ZNF81: variants seen among roughly 807,000 people sequenced by gnomAD.
ZNF81 encodes the protein zinc finger protein 81, also known as zinc finger protein 81 (HFZ20).
Under a neutral mutation model 32.3 loss-of-function variants are expected in ZNF81, and 5 were observed. The ratio of observed to expected loss-of-function variants is 0.15; its 90% CI spans 0.08 to 0.33. The LOEUF (loss-of-function observed/expected upper bound fraction) is 0.33. ZNF81 is among the 10% of genes least tolerant of loss of function. ZNF81 has a pLI of 1.00. For missense variants in ZNF81, 379 were observed against 479.8 expected (o/e 0.79, Z 1.96); for synonymous variants, 163 against 166.8 (o/e 0.98, Z 0.17).
Position 47,921,519 on chromosome X carries a change from G to A in ZNF81, c.*4887G>A, listed in dbSNP as rs782091360. The A allele has an allele frequency of 9.0e-6, 1 of 110,953 alleles. No individual in the cohort carries two copies. The highest frequency in any genetic ancestry group is 9.7e-5 in the Admixed American group (1 of 10,324). The allele number at this position is 110,953 out of a possible 1,213,427, so 9.1% of individuals were successfully genotyped here. A position where few individuals can be genotyped will look rare whatever the true frequency, so the allele number is the denominator to read the frequency against. The stretch of plus-strand genomic sequence containing the variant: ...AACTTTGGCTGGCAGTCTCTGAGAT[G>A]ACCCTGAATGATCCCCACCTCCTGG... On this transcript the variant is annotated 3_prime_UTR_variant, in exon 5 of 5. Coordinates refer to ENST00000338637, the MANE Select transcript of ZNF81 (RefSeq NM_007137.5).
chrX:47,871,403 C>G (rs1314453367), intron 2 of ZNF81, among the ~76,000 whole-genome samples: 1 of 111,529 alleles, frequency 9.0e-6, no homozygotes, highest in African/African-American at 3.3e-5. Flanking sequence ...TAATTCCAGG[C>G]AAAACATAAG....
chrX:47,849,986 G>C (rs782303688), intron 2 of ZNF81, among the ~76,000 whole-genome samples: 9 of 111,860 alleles, frequency 8.0e-5, no homozygotes, highest in African/African-American at 2.6e-4. Flanking sequence ...ACAATGACAA[G>C]TACAATGACA....
chrX:47,896,054 T>C (rs2058678973), intron 4 of ZNF81, 114 bp downstream of exon 4: 3 of 561,507 alleles, frequency 5.3e-6, no homozygotes, highest in Non-Finnish European at 8.7e-6. Flanking sequence ...CTTTATAAAT[T>C]GCTTGAGGAT....
Position 47,920,673 on chromosome X carries a change from A to G in ZNF81, c.*4041A>G. 9.1e-6 allele frequency: 1 copy of G among 109,661 alleles called. No homozygotes were observed. Among genetic ancestry groups the G allele is most frequent in the East Asian group, 2.9e-4 (1 of 3,462 alleles). The allele number at this position is 109,661 out of a possible 1,213,427, so 9.0% of individuals were successfully genotyped here. Reference sequence around the variant, plus strand: ...GGAGCTTTGTGCCATTTCTATGTTAACAGCAGCCCCCTTGCAGGCCTACCC... The same window carrying G: ...GGAGCTTTGTGCCATTTCTATGTTAGCAGCAGCCCCCTTGCAGGCCTACCC... On this transcript the variant is annotated 3_prime_UTR_variant, in exon 5 of 5. Transcript: ENST00000338637.
intron 2 of ZNF81, among the ~76,000 whole-genome samples, chrX:47,877,905 A>G (rs781892798): frequency 1.1e-4 from 12 of 111,744 alleles, no homozygotes; most frequent in African/African-American, 3.3e-4. Context: ...ATGCTAGTCA[A>G]TGCCTCATCT....
intron 4 of ZNF81, among the ~76,000 whole-genome samples, chrX:47,897,181 C>T (rs1439989131): frequency 8.9e-6 from 1 of 112,610 alleles, no homozygotes; most frequent in African/African-American, 3.2e-5. Context: ...TACCACTTTA[C>T]ATTCCCAGCA....
chrX:47,845,490 G>C (rs1556880332), intron 1 of ZNF81, among the ~76,000 whole-genome samples: 1 of 111,925 alleles, frequency 8.9e-6, no homozygotes, highest in African/African-American at 3.2e-5. Flanking sequence ...TCTGAATTCA[G>C]GGTCATATTT....
rs1304856741 is a variant in ZNF81 at position 47,921,836 on chromosome X, T to G, written c.*5204T>G. On this transcript the variant is annotated 3_prime_UTR_variant, in exon 5 of 5. Transcript: ENST00000338637. ...GAGGACCACAGCCAAATAGCTTGAC[T>G]GTAAGCCAGATAGCTTGACTCATGA... 1 of 111,513 alleles carries G rather than the reference T, an allele frequency of 9.0e-6. No homozygotes were observed. The highest frequency in any genetic ancestry group is 1.9e-5 in the Non-Finnish European group (1 of 53,095). The allele number at this position is 111,513 out of a possible 1,213,427, so 9.2% of individuals were successfully genotyped here. A position where few individuals can be genotyped will look rare whatever the true frequency, so the allele number is the denominator to read the frequency against.
chrX:47,919,494 C>T lies in ZNF81; in HGVS notation c.*2862C>T. The T allele has an allele frequency of 5.8e-6, 1 of 172,703 alleles. No homozygotes were observed. Among genetic ancestry groups the T allele is most frequent in the South Asian group, 1.0e-4 (1 of 10,046 alleles). 14.2% of individuals were successfully genotyped at this position (172,703 alleles called of 1,213,427 possible). ...TCATGTTTTCCCCTTTACCCTTTGT[C>T]TTAGTCAGTTTGAGCTGCTATAATA... On this transcript the variant is annotated 3_prime_UTR_variant, in exon 5 of 5. Coordinates refer to ENST00000338637, the MANE Select transcript of ZNF81 (RefSeq NM_007137.5).
chrX:47,838,739 A>C (rs2058435174), intron 1 of ZNF81, among the ~76,000 whole-genome samples: 1 of 111,609 alleles, frequency 9.0e-6, no homozygotes, highest in African/African-American at 3.3e-5. Flanking sequence ...ATCTAAGTTC[A>C]TGGGAAATAT....
chrX:47,905,388 G>T (rs1451524537), intron 4 of ZNF81, among the ~76,000 whole-genome samples: 3 of 92,786 alleles, frequency 3.2e-5, no homozygotes, highest in Non-Finnish European at 6.3e-5. Flanking sequence ...TCCAGGCTGG[G>T]CAATGGAGTG....
intron 2 of ZNF81, among the ~76,000 whole-genome samples, chrX:47,858,120 C>A (rs2058524521): frequency 8.9e-6 from 1 of 111,904 alleles, no homozygotes; most frequent in East Asian, 2.8e-4. Flanking sequence ...TATCATCAAG[C>A]AGAATCCATC....
At chrX:47,909,526 T>G (rs2058731889) in intron 4 of ZNF81, among the ~76,000 whole-genome samples, 1 of 111,227 alleles carries the variant, frequency 9.0e-6, no homozygotes, top group African/African-American at 3.3e-5. Context: ...TTGTTTGTTT[T>G]TTAGGTTGTC....
At chrX:47,853,698 A>G in intron 2 of ZNF81, among the ~76,000 whole-genome samples, 1 of 110,686 alleles carries the variant, frequency 9.0e-6, no homozygotes, top group South Asian at 3.8e-4. Flanking sequence ...GGCATGTGCC[A>G]CCATGCCTGG....
intron 1 of ZNF81, among the ~76,000 whole-genome samples, chrX:47,837,360 C>A (rs1229938179): frequency 9.0e-6 from 1 of 111,718 alleles, no homozygotes; most frequent in Non-Finnish European, 1.9e-5. Context: ...TTTTTAGAAA[C>A]GTTCTATATA....
chrX:47,864,827 A>C (rs1308485149), intron 2 of ZNF81, among the ~76,000 whole-genome samples: 1 of 112,578 alleles, frequency 8.9e-6, no homozygotes, highest in Non-Finnish European at 1.9e-5. Context: ...CATGGTTCCA[A>C]AAAGAGCTGA....
intron 2 of ZNF81, among the ~76,000 whole-genome samples, chrX:47,869,056 A>T (rs73489334): frequency 0.063 from 6,996 of 111,092 alleles, 257 homozygotes; most frequent in African/African-American, 0.14. Flanking sequence ...ATTGAACCAA[A>T]CCTCTACCAT....
Position 47,923,038 on chromosome X carries a change from CATTTTA to C in ZNF81, c.*6408_*6413del, listed in dbSNP as rs1163500707. 2.7e-5 allele frequency among the ~76,000 whole-genome samples: 3 copies of C among 111,697 alleles called. No homozygotes were observed. Among genetic ancestry groups the C allele is most frequent in the African/African-American group, 9.8e-5 (3 of 30,702 alleles). On this transcript the variant is annotated 3_prime_UTR_variant, in exon 5 of 5. Coordinates refer to ENST00000338637, the MANE Select transcript of ZNF81 (RefSeq NM_007137.5). ...GGAGTGGGGTTCACTTTAATGGCCC[CATTTTA>C]ACTTAATTACCTCTGTACTCTATTT...
At chrX:47,871,469 C>A (rs1358490453) in intron 2 of ZNF81, among the ~76,000 whole-genome samples, 1 of 111,555 alleles carries the variant, frequency 9.0e-6, no homozygotes, top group Admixed American at 9.6e-5. Flanking sequence ...GGTGGCCCTT[C>A]TCATCCCAGG....
Sources: allele counts gnomAD v4.1 joint callset (sites outside exome capture counted in the v4.1 genomes callset), GRCh38; gene constraint gnomAD v4.1.1; transcripts MANE v1.5; gene names NCBI Gene and HGNC (gene_info 2026-07-23, HGNC 2026-07-21).